The following ST6GALNAC3 variants were observed in gnomAD, a reference collection of about 807,000 sequenced individuals.
The protein encoded by ST6GALNAC3 is alpha-N-acetylgalactosaminide alpha-2,6-sialyltransferase 3.
ST6GALNAC3 carries 25 observed loss-of-function variants against 32.7 expected under a neutral mutation model. The ratio of observed to expected loss-of-function variants is 0.76; its 90% CI spans 0.56 to 1.07. The LOEUF is 1.07. ST6GALNAC3 is among the 50% of genes least tolerant of loss of function. The pLI is 0.00. For synonymous variants in ST6GALNAC3, 129 were observed against 133.1 expected (o/e 0.97, Z 0.21); for missense variants, 355 against 382.4 (o/e 0.93, Z 0.60).
intron 3 of ST6GALNAC3, among the ~76,000 whole-genome samples, chr1:76,544,382 G>A (rs1344606928): frequency 3.3e-5 from 5 of 152,150 alleles, no homozygotes; most frequent in South Asian, 2.1e-4. Flanking sequence ...AAAAGCAAGA[G>A]TGGAAGGAGT....
At chr1:76,239,683 C>A (rs1437358004) in intron 1 of ST6GALNAC3, among the ~76,000 whole-genome samples, 1 of 152,164 alleles carries the variant, frequency 6.6e-6, no homozygotes, top group African/African-American at 2.4e-5. Flanking sequence ...TGACCCAGCA[C>A]CTCCCACTAG....
chr1:76,603,643 A>G (rs1301732676), intron 3 of ST6GALNAC3, among the ~76,000 whole-genome samples: 1 of 152,192 alleles, frequency 6.6e-6, no homozygotes, highest in Admixed American at 6.5e-5. Flanking sequence ...ATGTGTCTGA[A>G]TGGACAATGC....
chr1:76,292,153 A>G (rs1040813675), intron 1 of ST6GALNAC3, among the ~76,000 whole-genome samples: 1 of 152,264 alleles, frequency 6.6e-6, no homozygotes, highest in African/African-American at 2.4e-5. Flanking sequence ...GAAATGAGCA[A>G]TGAACCTTCT....
intron 2 of ST6GALNAC3, among the ~76,000 whole-genome samples, chr1:76,391,550 TCCTTCCTTCCTTCCTTCCTTCCTC>T (rs910684042): frequency 6.7e-6 from 1 of 150,278 alleles, no homozygotes; most frequent in East Asian, 2.0e-4. Flanking sequence ...CTTCCTTCCT[TCCTTCCTTCCTTCCTTCCTTCCTC>T]CCACTTCCCT....
intron 2 of ST6GALNAC3, among the ~76,000 whole-genome samples, chr1:76,316,581 A>C (rs778464525): frequency 6.6e-6 from 1 of 152,008 alleles, no homozygotes; most frequent in Non-Finnish European, 1.5e-5. Context: ...CGGTAAACTA[A>C]AAAAGGAAAA....
chr1:76,493,285 C>T (rs932369358), intron 3 of ST6GALNAC3, among the ~76,000 whole-genome samples: 1 of 152,150 alleles, frequency 6.6e-6, no homozygotes, highest in Non-Finnish European at 1.5e-5. Context: ...CTTACAGGCA[C>T]ACCAAGCCTA....
chr1:76,573,304 C>T (rs565665555), intron 3 of ST6GALNAC3, among the ~76,000 whole-genome samples: 1 of 152,232 alleles, frequency 6.6e-6, no homozygotes, highest in African/African-American at 2.4e-5. Flanking sequence ...TATAAACCTG[C>T]TGACAGGCCA....
intron 3 of ST6GALNAC3, among the ~76,000 whole-genome samples, chr1:76,559,796 C>T (rs1665140982): frequency 1.3e-5 from 2 of 152,118 alleles, no homozygotes; most frequent in South Asian, 2.1e-4. Flanking sequence ...TTGCTGATGC[C>T]GCCTCTCTCC....
At chr1:76,458,707 G>C (rs1286495803) in intron 3 of ST6GALNAC3, among the ~76,000 whole-genome samples, 3 of 140,818 alleles carry the variant, frequency 2.1e-5, no homozygotes, top group African/African-American at 7.9e-5. Context: ...GACACAGGAA[G>C]GGGAACATCA....
intron 3 of ST6GALNAC3, among the ~76,000 whole-genome samples, chr1:76,588,329 T>C (rs1461875285): frequency 6.6e-6 from 1 of 152,130 alleles, no homozygotes; most frequent in Non-Finnish European, 1.5e-5. Flanking sequence ...CTCCTCCCTT[T>C]CATGTTTTCT....
At chr1:76,213,978 T>C (rs2100582536) in intron 1 of ST6GALNAC3, among the ~76,000 whole-genome samples, 1 of 152,188 alleles carries the variant, frequency 6.6e-6, no homozygotes, top group South Asian at 2.1e-4. Context: ...AGAATGTTTT[T>C]GGAAAAAGGG....
intron 1 of ST6GALNAC3, among the ~76,000 whole-genome samples, chr1:76,093,609 A>G (rs1647080986): frequency 6.6e-6 from 1 of 152,232 alleles, no homozygotes; most frequent in South Asian, 2.1e-4. Flanking sequence ...GGAAATTAAG[A>G]AGCAGTAAAC....
intron 1 of ST6GALNAC3, among the ~76,000 whole-genome samples, chr1:76,205,625 C>T (rs898144561): frequency 1.8e-4 from 27 of 152,178 alleles, no homozygotes; most frequent in African/African-American, 6.5e-4. Flanking sequence ...GAGACCCTCG[C>T]TGCTGTTTTG....
intron 3 of ST6GALNAC3, among the ~76,000 whole-genome samples, chr1:76,534,621 T>A (rs1013792180): frequency 1.3e-5 from 2 of 152,204 alleles, no homozygotes; most frequent in Admixed American, 6.5e-5. Flanking sequence ...CCTTTCCTAC[T>A]CCACCCAACA....
At position 76,531,762 on chromosome 1, in the gene ST6GALNAC3, C is replaced by T. The variant is rs556467189; in HGVS notation, c.624-95690C>T. Among the ~76,000 whole-genome samples the T allele has an allele frequency of 8.5e-5, 13 of 152,150 alleles. No individual in the cohort carries two copies. In the South Asian group the frequency reaches 2.5e-3, roughly 29 times the overall value. On this transcript the variant is annotated intron_variant, in intron 3 of 4. Transcript: ENST00000328299. ...GAAACCATTAGCTGGAGGCAGGAAC[C>T]GTGTTAACTTCATGACGTGGGAGGT...
intron 1 of ST6GALNAC3, among the ~76,000 whole-genome samples, chr1:76,208,766 T>C (rs550772078): frequency 6.6e-6 from 1 of 152,320 alleles, no homozygotes; most frequent in East Asian, 1.9e-4. Context: ...AGTCACACTG[T>C]TCTTGGAGCG....
chr1:76,325,706 T>A (rs1358152787), intron 2 of ST6GALNAC3, among the ~76,000 whole-genome samples: 1 of 149,926 alleles, frequency 6.7e-6, no homozygotes, highest in Non-Finnish European at 1.5e-5. Flanking sequence ...GCTCTGACAA[T>A]CTAGTACTTG....
intron 1 of ST6GALNAC3, among the ~76,000 whole-genome samples, chr1:76,299,482 G>T (rs2392037): frequency 0.073 from 11,101 of 152,042 alleles, 504 homozygotes; most frequent in East Asian, 0.25. Context: ...GTGGTTTAAA[G>T]TATGGTGGGT....
chr1:76,411,051 G>A (rs1412894985), intron 2 of ST6GALNAC3, among the ~76,000 whole-genome samples: 1 of 152,106 alleles, frequency 6.6e-6, no homozygotes, highest in African/African-American at 2.4e-5. Context: ...AGGGAGATGA[G>A]AAAGATGTAT....
Sources: gnomAD v4.1 joint callset for allele counts (sites outside exome capture counted in the v4.1 genomes callset) on GRCh38, gnomAD v4.1.1 for gene constraint, MANE v1.5 for transcripts, NCBI Gene and HGNC (gene_info 2026-07-23, HGNC 2026-07-21) for gene names.